The following NFE2 variants were observed in gnomAD, a reference collection of about 807,000 sequenced individuals.
NFE2 encodes the protein nuclear factor, erythroid 2.
Under a neutral mutation model 25.8 loss-of-function variants are expected in NFE2, and 13 were observed. The observed-to-expected ratio is 0.50, with a 90% confidence interval of 0.33 to 0.80. NFE2 has a LOEUF of 0.80. NFE2 is among the 30% of genes least tolerant of loss of function. The probability of loss-of-function intolerance (pLI) is 0.02; values close to 1 mark genes in which losing one functional copy is unlikely to be tolerated. For missense variants in NFE2, 382 were observed against 478.9 expected, an observed-to-expected ratio of 0.80 and a Z score of 1.89; for synonymous variants, 204 against 200.2, an observed-to-expected ratio of 1.02 and a Z score of -0.16.
At chr12:54,297,914 G>A (rs1457222475) in intron 1 of NFE2, 5 of 152,112 alleles carry the variant, frequency 3.3e-5, no homozygotes, top group African/African-American at 9.7e-5. Context: ...CCAGAGATGG[G>A]AGTTGGTGTA....
Position 54,292,224 on chromosome 12 carries a change from C to T in NFE2, c.*150G>A, listed in dbSNP as rs1944322919. 11 of 804,424 alleles carry T rather than the reference C, an allele frequency of 1.4e-5. 1 individual carries two copies. The South Asian group carries it at 1.7e-4, about 12-fold the overall frequency. 49.8% of individuals were successfully genotyped at this position (804,424 alleles called of 1,614,324 possible). A position where few individuals can be genotyped will look rare whatever the true frequency, so the allele number is the denominator to read the frequency against. On this transcript the variant is annotated 3_prime_UTR_variant, in exon 3 of 3. Coordinates refer to ENST00000435572, the MANE Select transcript of NFE2 (RefSeq NM_001136023.3). ...CTCCCTCAAGGCAAGCCTCTTTGAA[C>T]ACACCTTGGAACTTCCAAACACTTG...
In NFE2 at chr12:54,293,397, CAA is replaced by C. The variant is rs772405393; in HGVS notation, c.115-18_115-17del. Reference sequence around the variant, plus strand: ...CATTCAGACCCTGCAAGGAAAGACACAAAGAGATTTGGAGACAGACTAAGGAA... The same window carrying C: ...CATTCAGACCCTGCAAGGAAAGACACAGAGATTTGGAGACAGACTAAGGAA... On this transcript the variant is annotated splice_polypyrimidine_tract_variant and intron_variant, in intron 2 of 2. Transcript: ENST00000435572. The C allele has an allele frequency of 4.1e-6, 6 of 1,457,204 alleles. No individual in the cohort carries two copies. The African/African-American group carries it at 8.4e-5, about 20-fold the overall frequency. The allele number at this position is 1,457,204 out of a possible 1,614,324, so 90.3% of individuals were successfully genotyped here.
At chr12:54,298,234 A>AC (rs1394009114) in intron 1 of NFE2, among the ~76,000 whole-genome samples, 5 of 152,060 alleles carry the variant, frequency 3.3e-5, no homozygotes, top group African/African-American at 1.2e-4. Context: ...CTTGCTACGC[A>AC]CGGTGGCTCA....
intron 1 of NFE2, among the ~76,000 whole-genome samples, chr12:54,300,524 C>A (rs1944413964): frequency 6.6e-6 from 1 of 152,150 alleles, no homozygotes; most frequent in Admixed American, 6.5e-5. Context: ...ACTCCCCAGC[C>A]CCTCAGCGGT....
rs1263409475 is a variant in NFE2 at position 54,300,828 on chromosome 12, A to T, written c.-84T>A. On this transcript the variant is annotated 5_prime_UTR_variant, in exon 1 of 3. Coordinates refer to ENST00000435572, the MANE Select transcript of NFE2 (RefSeq NM_001136023.3). The stretch of plus-strand genomic sequence containing the variant: ...GTGGTGGAGTCACAGCAGGGTGAGG[A>T]GAGAGATGAGGCTCCCGGTGTTGTC... The T allele has an allele frequency of 1.0e-4, 15 of 150,396 alleles. No individual in the cohort carries two copies. Among genetic ancestry groups the T allele is most frequent in the African/African-American group, 3.7e-4 (15 of 40,782 alleles). The allele number at this position is 150,396 out of a possible 1,614,324, so 9.3% of individuals were successfully genotyped here. A position where few individuals can be genotyped will look rare whatever the true frequency, so the allele number is the denominator to read the frequency against.
At chr12:54,295,500 C>A (rs1428583463) in intron 1 of NFE2, 196 bp from the exon 2 acceptor site, 1 of 411,696 alleles carries the variant, frequency 2.4e-6, no homozygotes, top group Non-Finnish European at 4.5e-6. Context: ...ACCTCGCCAA[C>A]TATGGCCACA....
intron 1 of NFE2, among the ~76,000 whole-genome samples, chr12:54,297,117 G>A (rs1944378748): frequency 6.6e-6 from 1 of 152,034 alleles, no homozygotes; most frequent in Non-Finnish European, 1.5e-5. Flanking sequence ...CACTTTGGGA[G>A]GCCAAGGTGG....
chr12:54,293,476 T>C, intron 2 of NFE2, 95 bp from the exon 3 acceptor site: 1 of 1,322,140 alleles, frequency 7.6e-7, no homozygotes, highest in South Asian at 2.3e-5. Flanking sequence ...AAAGTCGCAG[T>C]GAGGTAGTAA....
At position 54,292,758 on chromosome 12, in the gene NFE2, C is replaced by T. The variant is rs901483222; in HGVS notation, c.738G>A (p.Pro246=). ...PFPTDKIVNL[P]VDDFNELLAR... ...CCAATAGCTCATTAAAGTCATCTAC[C>T]GGCAAGTTGACAATCTTGTCCGTAG... is the stretch of plus-strand genomic sequence containing the variant. The change falls in exon 3 of 3, where the codon CCG becomes CCA. Residue 246 remains proline (P), a synonymous_variant. Coordinates refer to ENST00000435572, the MANE Select transcript of NFE2 (RefSeq NM_001136023.3). The T allele has an allele frequency of 1.9e-6, 3 of 1,614,206 alleles. No homozygotes were observed. The highest frequency in any genetic ancestry group is 2.2e-5 in the East Asian group (1 of 44,880).
At position 54,295,416 on chromosome 12, in the gene NFE2, T is replaced by G. The variant is rs920725457; in HGVS notation, c.-56-112A>C. ...TCCCCTGAGGGAAGGAGAGACCGCC[T>G]CCTCCCCATCCTCACTCATGCTGGA... On this transcript the variant is annotated intron_variant, in intron 1 of 2. Coordinates refer to ENST00000435572, the MANE Select transcript of NFE2 (RefSeq NM_001136023.3). 5 of 580,600 alleles carry G rather than the reference T, an allele frequency of 8.6e-6. No homozygotes were observed. The Admixed American group carries it at 1.5e-4, about 17-fold the overall frequency. The allele number at this position is 580,600 out of a possible 1,614,324, so 36.0% of individuals were successfully genotyped here. A position where few individuals can be genotyped will look rare whatever the true frequency, so the allele number is the denominator to read the frequency against.
chr12:54,296,960 C>T (rs373943802), intron 1 of NFE2, among the ~76,000 whole-genome samples: 60 of 152,142 alleles, frequency 3.9e-4, no homozygotes, highest in East Asian at 1.2e-3. Flanking sequence ...TTTTCCCTGC[C>T]GTCAGCAAGA....
In NFE2 at chr12:54,293,184, T is replaced by C; in HGVS notation, c.312A>G (p.Ile104Met). The change falls in exon 3 of 3, where the codon ATA becomes ATG. Residue 104 changes from isoleucine (I) to methionine (M), a missense_variant. Transcript: ENST00000435572. ...DPPYSYGNMAIPVSKPLSLSG... is the reference protein window; with the variant it reads ...DPPYSYGNMAMPVSKPLSLSG... ...AGAGGCTCAGTGGCTTGGAGACTGGTATGGCCATGTTGCCATAGGAGTATG... is the reference window on the plus strand; with the variant it reads ...AGAGGCTCAGTGGCTTGGAGACTGGCATGGCCATGTTGCCATAGGAGTATG... The C allele has an allele frequency of 6.4e-7, 1 of 1,571,752 alleles. No individual in the cohort carries two copies. Among genetic ancestry groups the C allele is most frequent in the Non-Finnish European group, 8.6e-7 (1 of 1,156,552 alleles).
At chr12:54,294,232 C>T (rs995763156) in intron 2 of NFE2, among the ~76,000 whole-genome samples, 2 of 146,864 alleles carry the variant, frequency 1.4e-5, no homozygotes, top group African/African-American at 2.5e-5. Context: ...AGCGAGACAC[C>T]GTCTCAAAAA....
chr12:54,295,331 A>G (rs1347894007), intron 1 of NFE2, 27 bp from the exon 2 acceptor site: 1 of 1,105,166 alleles, frequency 9.0e-7, no homozygotes, highest in Admixed American at 1.9e-5. Context: ...GAGGTGTTAG[A>G]GCTACACCTG....
rs1944337261 is a variant in NFE2, at chr12:54,293,293, C to T, written c.203G>A (p.Cys68Tyr). The change falls in exon 3 of 3, where the codon TGC (cysteine) becomes TAC (tyrosine). Residue 68 changes from cysteine to tyrosine, a missense_variant. Cys to Tyr is a radical substitution (Grantham distance 194). Transcript: ENST00000435572. Reference protein sequence around the residue: ...GPPPPTTYCPCSIHPDSGFPL... With the variant: ...GPPPPTTYCPYSIHPDSGFPL... The stretch of plus-strand genomic sequence containing the variant: ...GAAGCCAGAATCTGGGTGGATTGAG[C>T]AGGGGCAGTAAGTTGTGGGTGGTGG... 1.9e-6 allele frequency: 3 copies of T among 1,609,674 alleles called. No individual in the cohort carries two copies. The highest frequency in any genetic ancestry group is 2.5e-6 in the Non-Finnish European group (3 of 1,177,734).
chr12:54,292,613 C>G lies in NFE2; in HGVS notation c.883G>C (p.Glu295Gln), dbSNP rs1471658353. The change falls in exon 3 of 3, where the codon GAG becomes CAG. Residue 295 changes from glutamate (E) to glutamine (Q), a missense_variant. Glu to Gln is a conservative substitution (Grantham distance 29). Transcript: ENST00000435572. The stretch of plus-strand genomic sequence containing the variant: ...TTGGTCAGCCGCTCCAGCTCCCGCT[C>G]CAGCTGCACAATGGTTTCCAGCTTC... ...KRKLETIVQL[E>Q]RELERLTNER... 1 of 1,614,096 alleles carries G rather than the reference C, an allele frequency of 6.2e-7. No homozygotes were observed. Among genetic ancestry groups the G allele is most frequent in the Non-Finnish European group, 8.5e-7 (1 of 1,180,056 alleles).
At position 54,292,466 on chromosome 12, in the gene NFE2, T is replaced by A; in HGVS notation, c.1030A>T (p.Ser344Cys). Residue 344 changes from serine (S) to cysteine (C), a missense_variant, in exon 3 of 3, where the codon AGC becomes TGC. Transcript: ENST00000435572. ...AGCGCGTACTCTTCAGGAGAGTAGC[T>A]GTTGCCTGATTCATCCCGAAGGTGC... ...FQHLRDESGN[S>C]YSPEEYALQQ... is the part of the protein sequence containing the mutation. 1 of 1,614,186 alleles carries A rather than the reference T, an allele frequency of 6.2e-7. No individual in the cohort carries two copies. The highest frequency in any genetic ancestry group is 8.5e-7 in the Non-Finnish European group (1 of 1,180,024).
rs1944417953 is a variant in NFE2 at position 54,300,826 on chromosome 12, GGA to G, written c.-84_-83del. 6.6e-6 allele frequency: 1 copy of G among 152,182 alleles called. No homozygotes were observed. The highest frequency in any genetic ancestry group is 6.5e-5 in the Admixed American group (1 of 15,274). The allele number at this position is 152,182 out of a possible 1,614,324, so 9.4% of individuals were successfully genotyped here. On this transcript the variant is annotated 5_prime_UTR_variant, in exon 1 of 3. Coordinates refer to ENST00000435572, the MANE Select transcript of NFE2 (RefSeq NM_001136023.3). The stretch of plus-strand genomic sequence containing the variant: ...CTGTGGTGGAGTCACAGCAGGGTGA[GGA>G]GAGAGATGAGGCTCCCGGTGTTGTC...
chr12:54,293,524 C>T, intron 2 of NFE2, 143 bp from the exon 3 acceptor site: 1 of 958,248 alleles, frequency 1.0e-6, no homozygotes, highest in Non-Finnish European at 1.4e-6. Context: ...GGGAAGCTTC[C>T]TGCAAAGTTA....
Sources: allele counts gnomAD v4.1 joint callset (sites outside exome capture counted in the v4.1 genomes callset), GRCh38; gene constraint gnomAD v4.1.1; transcripts MANE v1.5; gene names NCBI Gene and HGNC (gene_info 2026-07-23, HGNC 2026-07-21).